Variants in SLC2A9 observed in about 807,000 individuals in gnomAD.
SLC2A9 encodes the protein solute carrier family 2, facilitated glucose transporter member 9.
A neutral mutation model predicts 50.6 loss-of-function variants in SLC2A9; 39 were observed. That is an observed-to-expected ratio of 0.77 (90% confidence interval 0.60 to 1.01). The LOEUF (loss-of-function observed/expected upper bound fraction) is 1.01, where lower values mean the gene tolerates loss of function less well. Ranked by LOEUF, SLC2A9 falls within the 50% of genes least tolerant of loss-of-function variation. The pLI, the probability that SLC2A9 is intolerant of heterozygous loss-of-function variation, is 0.00. For missense variants in SLC2A9, 686 were observed against 677.6 expected (o/e 1.01, Z -0.14); for synonymous variants, 324 against 276.9 (o/e 1.17, Z -1.69).
At chr4:9,829,516 T>C (rs1322839223) in intron 11 of SLC2A9, among the ~76,000 whole-genome samples, 3 of 143,134 alleles carry the variant, frequency 2.1e-5, no homozygotes, top group Non-Finnish European at 4.5e-5. Flanking sequence ...AATTGACGAA[T>C]GGGATCTAAT....
chr4:9,818,558 T>C (rs1327031735), intron 3 of SLC2A9, among the ~76,000 whole-genome samples: 1 of 152,116 alleles, frequency 6.6e-6, no homozygotes, highest in Non-Finnish European at 1.5e-5. Context: ...TGAGAGAACT[T>C]TGGTTATGAT....
At chr4:9,772,382 G>A (rs1026406370) in intron 1 of SLC2A9, among the ~76,000 whole-genome samples, 3 of 152,172 alleles carry the variant, frequency 2.0e-5, no homozygotes, top group African/African-American at 4.8e-5. Context: ...ACATTCCTGC[G>A]ACTTCCCTGT....
intron 3 of SLC2A9, among the ~76,000 whole-genome samples, chr4:9,820,910 A>C (rs1461840376): frequency 1.3e-5 from 2 of 152,172 alleles, no homozygotes; most frequent in Non-Finnish European, 2.9e-5. Flanking sequence ...CAATCTGTAC[A>C]CCTTTTATTT....
chr4:9,969,529 T>C (rs954276892), intron 5 of SLC2A9, among the ~76,000 whole-genome samples: 4 of 152,228 alleles, frequency 2.6e-5, no homozygotes, highest in African/African-American at 9.6e-5. Flanking sequence ...TCCCCCAAGA[T>C]GGCAGATTAG....
At chr4:9,783,373 C>A in intron 3 of SLC2A9, 2 of 1,614,214 alleles carry the variant, frequency 1.2e-6, no homozygotes, top group South Asian at 2.2e-5. Flanking sequence ...CAGATGGTGA[C>A]CCTGTTGCTG....
intron 6 of SLC2A9, among the ~76,000 whole-genome samples, chr4:9,923,476 T>C (rs1744307143): frequency 6.6e-6 from 1 of 152,094 alleles, no homozygotes; most frequent in Non-Finnish European, 1.5e-5. Context: ...GTGCAGCTGC[T>C]GGCACCCAGA....
At chr4:9,964,777 T>C (rs575561306) in intron 5 of SLC2A9, among the ~76,000 whole-genome samples, 1 of 152,316 alleles carries the variant, frequency 6.6e-6, no homozygotes, top group African/African-American at 2.4e-5. Flanking sequence ...TGCAAAGGAC[T>C]GTTTTGCTCA....
intron 10 of SLC2A9, among the ~76,000 whole-genome samples, chr4:9,855,037 T>C (rs1055939050): frequency 6.6e-5 from 10 of 152,148 alleles, no homozygotes; most frequent in African/African-American, 2.4e-4. Context: ...ACATCCCCCT[T>C]GAGAACTAGA....
intron 2 of SLC2A9, among the ~76,000 whole-genome samples, chr4:10,003,765 A>G (rs183735023): frequency 6.6e-6 from 1 of 152,336 alleles, no homozygotes; most frequent in East Asian, 1.9e-4. Context: ...ATGATACAGA[A>G]TGGGTGCTTA....
chr4:9,817,505 G>T (rs1431669527), intron 3 of SLC2A9, among the ~76,000 whole-genome samples: 1 of 152,196 alleles, frequency 6.6e-6, no homozygotes, highest in Admixed American at 6.5e-5. Flanking sequence ...GTCAACATAT[G>T]CAATAATAGA....
At chr4:9,978,885 T>C (rs1253962561) in intron 5 of SLC2A9, among the ~76,000 whole-genome samples, 2 of 152,260 alleles carry the variant, frequency 1.3e-5, no homozygotes, top group African/African-American at 4.8e-5. Context: ...TGGTAAACTT[T>C]ATGTGGATTT....
intron 2 of SLC2A9, chr4:10,009,561 C>A (rs766025083): frequency 6.6e-6 from 1 of 152,182 alleles, no homozygotes; most frequent in Non-Finnish European, 1.5e-5. Flanking sequence ...TCTACAGAAA[C>A]CCTGGGCTTA....
At chr4:9,991,615 T>G (rs918765959) in intron 3 of SLC2A9, among the ~76,000 whole-genome samples, 1 of 152,106 alleles carries the variant, frequency 6.6e-6, no homozygotes, top group Non-Finnish European at 1.5e-5. Context: ...CCCTAACCCC[T>G]AATGTGACTG....
At chr4:9,821,748 A>G (rs141506763), downstream of SLC2A9, among the ~76,000 whole-genome samples, 1 of 152,312 alleles carries the variant, frequency 6.6e-6, no homozygotes, top group East Asian at 1.9e-4. Flanking sequence ...GGTTTGTGTT[A>G]GTTTCATAAA....
intron 6 of SLC2A9, among the ~76,000 whole-genome samples, chr4:9,930,563 G>A (rs1745721287): frequency 6.6e-6 from 1 of 152,196 alleles, no homozygotes; most frequent in South Asian, 2.1e-4. Context: ...GATGCTTCAT[G>A]GAAGAGGTTG....
chr4:10,022,863 C>T (rs1763599744), upstream of SLC2A9, among the ~76,000 whole-genome samples: 1 of 152,166 alleles, frequency 6.6e-6, no homozygotes, highest in African/African-American at 2.4e-5. Flanking sequence ...AAGAGGAAAA[C>T]CACCCTCAGG....
chr4:9,812,366 G>C (rs1722999145), intron 3 of SLC2A9, among the ~76,000 whole-genome samples: 3 of 152,138 alleles, frequency 2.0e-5, no homozygotes, highest in Admixed American at 2.0e-4. Context: ...AATTAGAATT[G>C]TGTTAAATTC....
chr4:9,908,322 G>T lies in SLC2A9; in HGVS notation c.1026C>A (p.Ile342=), dbSNP rs755833997. The T allele has an allele frequency of 1.7e-5, 28 of 1,613,420 alleles. No homozygotes were observed. The highest frequency in any genetic ancestry group is 2.4e-5 in the Non-Finnish European group (28 of 1,179,362). ...CCGGAGGGATCCCAGCTTTTCCAAA[G>T]ATGCTGTTGGTATAGAACCAAATCT... is the stretch of plus-strand genomic sequence containing the variant. ...LNAIWFYTNS[I]FGKAGIPPAK... Residue 342 remains isoleucine (I), a synonymous_variant, in exon 8 of 12, where the codon ATC becomes ATA. Coordinates refer to ENST00000264784, the MANE Select transcript of SLC2A9 (RefSeq NM_020041.3).
intron 5 of SLC2A9, among the ~76,000 whole-genome samples, chr4:9,959,646 T>G (rs1751930715): frequency 6.6e-6 from 1 of 152,226 alleles, no homozygotes; most frequent in Non-Finnish European, 1.5e-5. Context: ...GTATTGAATT[T>G]TTTCAATCAT....
Sources: allele counts gnomAD v4.1 joint callset (sites outside exome capture counted in the v4.1 genomes callset), GRCh38; gene constraint gnomAD v4.1.1; transcripts MANE v1.5; gene names NCBI Gene and HGNC (gene_info 2026-07-23, HGNC 2026-07-21).